DNAJC1: variants seen among roughly 807,000 people sequenced by gnomAD.
DNAJC1 encodes the protein DnaJ heat shock protein family (Hsp40) member C1, also known as dnaJ homolog subfamily C member 1.
In DNAJC1, 58 loss-of-function variants were observed where a neutral mutation model predicts 76.6. That is an observed-to-expected ratio of 0.76 (90% CI 0.61 to 0.94). DNAJC1 has a LOEUF of 0.94. Among genes scored for constraint, DNAJC1 ranks in the 40% least tolerant of loss-of-function variants. The pLI is 0.00. For synonymous variants in DNAJC1, 258 were observed against 267.9 expected, an observed-to-expected ratio of 0.96 and a Z score of 0.36; for missense variants, 689 against 677.3, an observed-to-expected ratio of 1.02 and a Z score of -0.19.
intron 9 of DNAJC1, among the ~76,000 whole-genome samples, chr10:21,795,740 C>A (rs1455027619): frequency 1.3e-5 from 2 of 152,178 alleles, no homozygotes; most frequent in African/African-American, 4.8e-5. Context: ...CTAGAACTTA[C>A]TCATCCATAT....
At chr10:21,812,510 A>C (rs1834984677) in intron 8 of DNAJC1, among the ~76,000 whole-genome samples, 1 of 151,782 alleles carries the variant, frequency 6.6e-6, no homozygotes, top group African/African-American at 2.4e-5. Flanking sequence ...GATCTTTGTC[A>C]GATATAAGTA....
intron 8 of DNAJC1, among the ~76,000 whole-genome samples, chr10:21,854,347 CT>C (rs1835798577): frequency 1.1e-5 from 1 of 92,740 alleles, no homozygotes; most frequent in Admixed American, 1.3e-4. Flanking sequence ...AAATGTGGAT[CT>C]TTAAAAAAAA....
At chr10:21,859,127 C>G (rs1299183161) in intron 8 of DNAJC1, among the ~76,000 whole-genome samples, 1 of 152,152 alleles carries the variant, frequency 6.6e-6, no homozygotes, top group Non-Finnish European at 1.5e-5. Context: ...GGCACTGTCA[C>G]TGATGAAAGC....
intron 7 of DNAJC1, among the ~76,000 whole-genome samples, chr10:21,886,072 A>G (rs1675119871): frequency 6.6e-6 from 1 of 152,104 alleles, no homozygotes; most frequent in Admixed American, 6.6e-5. Context: ...AAATTTAACA[A>G]GATAGGTAAG....
At chr10:21,841,631 AG>A (rs1163352626) in intron 8 of DNAJC1, among the ~76,000 whole-genome samples, 1 of 152,208 alleles carries the variant, frequency 6.6e-6, no homozygotes, top group African/African-American at 2.4e-5. Context: ...GTGGAGTAAT[AG>A]GAACATTTTT....
rs1190767488 is a variant in DNAJC1, at chr10:21,769,098, A to G, written c.1099-2789T>C. Among the ~76,000 whole-genome samples, 3 of 152,252 alleles carry G rather than the reference A, an allele frequency of 2.0e-5. No individual in the cohort carries two copies. In the East Asian group the frequency reaches 5.8e-4, roughly 29 times the overall value. On this transcript the variant is annotated intron_variant, in intron 9 of 11. Transcript: ENST00000376980. The stretch of plus-strand genomic sequence containing the variant: ...ATACTCCTGCCTCTTGTTCCCTAAT[A>G]GAAGTGTTCCTCAACATTCTACCCT...
chr10:21,803,069 A>G (rs973024419), intron 9 of DNAJC1, among the ~76,000 whole-genome samples: 14 of 152,266 alleles, frequency 9.2e-5, no homozygotes, highest in Admixed American at 3.3e-4. Flanking sequence ...CAATTTAGCA[A>G]TCTAACTCTG....
chr10:21,938,209 A>C (rs142234451), intron 1 of DNAJC1, among the ~76,000 whole-genome samples: 1 of 152,238 alleles, frequency 6.6e-6, no homozygotes, highest in Admixed American at 6.5e-5. Context: ...AATAAAATTA[A>C]ATCACGATAT....
intron 1 of DNAJC1, among the ~76,000 whole-genome samples, chr10:21,994,736 A>G (rs1175876054): frequency 6.6e-6 from 1 of 152,128 alleles, no homozygotes; most frequent in Non-Finnish European, 1.5e-5. Flanking sequence ...GCTTGCAGTA[A>G]GCCGAGATCG....
At chr10:21,830,023 A>C (rs1835331033) in intron 8 of DNAJC1, among the ~76,000 whole-genome samples, 1 of 152,192 alleles carries the variant, frequency 6.6e-6, no homozygotes, top group Non-Finnish European at 1.5e-5. Flanking sequence ...CCTCCCATTA[A>C]ATACAAGAAT....
intron 1 of DNAJC1, among the ~76,000 whole-genome samples, chr10:21,961,268 G>A (rs186898753): frequency 3.3e-5 from 5 of 152,214 alleles, no homozygotes; most frequent in East Asian, 3.9e-4. Context: ...ACAGATACTC[G>A]TACATCATCG....
intron 1 of DNAJC1, among the ~76,000 whole-genome samples, chr10:21,957,953 A>G (rs1007011105): frequency 2.0e-5 from 3 of 152,160 alleles, no homozygotes; most frequent in African/African-American, 7.2e-5. Flanking sequence ...ACAGGCTCAT[A>G]ATACCTGCTT....
chr10:21,958,349 TTCTGCA>T (rs1335416760), intron 1 of DNAJC1, among the ~76,000 whole-genome samples: 1 of 152,212 alleles, frequency 6.6e-6, no homozygotes, highest in Non-Finnish European at 1.5e-5. Context: ...ATTTATATAG[TTCTGCA>T]ACATCACGAT....
Position 21,886,340 on chromosome 10 carries a change from T to G in DNAJC1, c.821-3901A>C, listed in dbSNP as rs374542556. ...GCTCCAAAATTGAATCAGTAATAAATTAGGCTCCCAACTAAAAAAAGGCCA... is the reference window on the plus strand; with the variant it reads ...GCTCCAAAATTGAATCAGTAATAAAGTAGGCTCCCAACTAAAAAAAGGCCA... On this transcript the variant is annotated intron_variant, in intron 7 of 11. Transcript: ENST00000376980. Among the ~76,000 whole-genome samples the G allele has an allele frequency of 2.6e-4, 39 of 152,120 alleles. 2 individuals carry two copies. The South Asian group carries it at 6.9e-3, about 27-fold the overall frequency.
intron 1 of DNAJC1, among the ~76,000 whole-genome samples, chr10:21,947,652 T>A (rs921659275): frequency 6.6e-6 from 1 of 152,192 alleles, no homozygotes; most frequent in Non-Finnish European, 1.5e-5. Context: ...GACTTTCCAC[T>A]GTGCTGGGGG....
intron 1 of DNAJC1, among the ~76,000 whole-genome samples, chr10:21,956,960 C>G (rs1205243675): frequency 6.7e-6 from 1 of 149,444 alleles, no homozygotes; most frequent in Non-Finnish European, 1.5e-5. Context: ...GCAGCGATCT[C>G]GGCTCGCTGC....
At chr10:21,764,617 A>C (rs1310472958) in intron 10 of DNAJC1, among the ~76,000 whole-genome samples, 1 of 152,254 alleles carries the variant, frequency 6.6e-6, no homozygotes, top group Non-Finnish European at 1.5e-5. Flanking sequence ...TTCTAATAAT[A>C]CTTCAGAAGC....
intron 9 of DNAJC1, among the ~76,000 whole-genome samples, chr10:21,778,869 C>T (rs1016112120): frequency 6.6e-5 from 10 of 152,222 alleles, no homozygotes; most frequent in African/African-American, 2.4e-4. Context: ...TGAAAGACGG[C>T]ACCTGGAAAA....
At chr10:21,918,230 T>C (rs1186077837) in intron 6 of DNAJC1, among the ~76,000 whole-genome samples, 2 of 151,854 alleles carry the variant, frequency 1.3e-5, no homozygotes, top group East Asian at 1.9e-4. Flanking sequence ...ATGATACATA[T>C]CCACATTTTA....
Sources: gnomAD v4.1 joint callset for allele counts (sites outside exome capture counted in the v4.1 genomes callset) on GRCh38, gnomAD v4.1.1 for gene constraint, MANE v1.5 for transcripts, NCBI Gene and HGNC (gene_info 2026-07-23, HGNC 2026-07-21) for gene names.